Variants in TNR observed in about 807,000 individuals in gnomAD.
TNR encodes the protein tenascin-R.
TNR carries 45 observed loss-of-function variants against 150.4 expected under a neutral mutation model. That is an observed-to-expected ratio of 0.30 (90% CI 0.24 to 0.38). The LOEUF (loss-of-function observed/expected upper bound fraction) is 0.38, where lower values mean the gene tolerates loss of function less well. Among genes scored for constraint, TNR ranks in the 10% least tolerant of loss-of-function variants. TNR has a pLI of 1.00. For missense variants in TNR, 1,544 were observed against 1,759.1 expected (o/e 0.88, Z 2.19); for synonymous variants, 687 against 678.4 (o/e 1.01, Z -0.20).
At chr1:175,621,230 G>C (rs1358471899) in intron 1 of TNR, among the ~76,000 whole-genome samples, 1 of 152,172 alleles carries the variant, frequency 6.6e-6, no homozygotes, top group Non-Finnish European at 1.5e-5. Context: ...TCATCTCACT[G>C]TCTACATCTA....
At chr1:175,628,524 A>AT (rs1664224404) in intron 1 of TNR, among the ~76,000 whole-genome samples, 1 of 137,910 alleles carries the variant, frequency 7.3e-6, no homozygotes, top group Admixed American at 6.9e-5. Context: ...TAATAATAAA[A>AT]TTAAAAAAAA....
intron 1 of TNR, among the ~76,000 whole-genome samples, chr1:175,679,732 G>A (rs1000157497): frequency 7.2e-5 from 11 of 152,192 alleles, no homozygotes; most frequent in African/African-American, 2.2e-4. Flanking sequence ...AAGAGCCTGC[G>A]TGGCTCCCTG....
intron 1 of TNR, among the ~76,000 whole-genome samples, chr1:175,589,281 T>C (rs1198796803): frequency 1.3e-5 from 2 of 152,204 alleles, no homozygotes; most frequent in Non-Finnish European, 2.9e-5. Context: ...TTTTCTTCCT[T>C]TTCTACAAAC....
At chr1:175,632,141 G>A (rs915256605) in intron 1 of TNR, among the ~76,000 whole-genome samples, 8 of 152,292 alleles carry the variant, frequency 5.3e-5, no homozygotes, top group Non-Finnish European at 7.3e-5. Flanking sequence ...CCTTGCAGAG[G>A]GGCCATTTAA....
At chr1:175,616,621 AG>A (rs1214286529) in intron 1 of TNR, among the ~76,000 whole-genome samples, 1 of 152,114 alleles carries the variant, frequency 6.6e-6, no homozygotes, top group Non-Finnish European at 1.5e-5. Context: ...ACAGGCAAGG[AG>A]GGCTGTGCTC....
chr1:175,337,781 TCAA>T (rs1650320444), intron 18 of TNR, 102 bp from the exon 19 acceptor site: 1 of 1,336,788 alleles, frequency 7.5e-7, no homozygotes, highest in Admixed American at 2.1e-5. Flanking sequence ...TGGTACATCA[TCAA>T]CAGCTGTAAG....
At chr1:175,656,179 TG>T (rs1665169676) in intron 1 of TNR, among the ~76,000 whole-genome samples, 3 of 150,072 alleles carry the variant, frequency 2.0e-5, no homozygotes, top group African/African-American at 7.5e-5. Context: ...TGTGTGTGTG[TG>T]TGTGTGTGTG....
At chr1:175,426,628 C>G (rs972610313) in intron 2 of TNR, among the ~76,000 whole-genome samples, 8 of 151,798 alleles carry the variant, frequency 5.3e-5, no homozygotes, top group African/African-American at 1.9e-4. Flanking sequence ...CCTGTTTCAT[C>G]ATGGCCAATT....
intron 1 of TNR, among the ~76,000 whole-genome samples, chr1:175,582,919 C>T (rs865975378): frequency 4.6e-5 from 7 of 152,068 alleles, no homozygotes; most frequent in Non-Finnish European, 1.0e-4. Context: ...CTTAACCTCT[C>T]TCTGCCCTTC....
intron 1 of TNR, among the ~76,000 whole-genome samples, chr1:175,558,787 T>G (rs1661296423): frequency 6.6e-6 from 1 of 152,174 alleles, no homozygotes; most frequent in Admixed American, 6.5e-5. Flanking sequence ...TGGAGAGGGA[T>G]GAGTAAGCAG....
At chr1:175,383,106 C>A (rs148742244) in intron 8 of TNR, among the ~76,000 whole-genome samples, 189 of 152,114 alleles carry the variant, frequency 1.2e-3, no homozygotes, top group African/African-American at 4.3e-3. Context: ...CTATGGTGTT[C>A]TTCTTGTGGG....
intron 1 of TNR, among the ~76,000 whole-genome samples, chr1:175,545,208 T>G (rs6671877): frequency 0.68 from 102,958 of 151,968 alleles, 35,087 homozygotes; most frequent in Admixed American, 0.72. Context: ...CAAGTGAGTG[T>G]TCAATAGGGT....
rs117107118 is a variant in TNR, at chr1:175,398,719, T to C, written c.977-1912A>G. ...AATTGGGCCACACAGTCAGCAAACA[T>C]AGAAGCTAGGATTAGAATGCAGGCA... On this transcript the variant is annotated intron_variant, in intron 4 of 22. Transcript: ENST00000367674. Among the ~76,000 whole-genome samples the C allele has an allele frequency of 1.2e-3, 190 of 152,336 alleles. 4 individuals are homozygous for C. The East Asian group carries it at 0.034, about 27-fold the overall frequency.
intron 1 of TNR, among the ~76,000 whole-genome samples, chr1:175,645,607 A>C (rs1479061118): frequency 9.2e-5 from 14 of 152,246 alleles, no homozygotes; most frequent in Admixed American, 9.2e-4. Flanking sequence ...CTGATTCTTA[A>C]AATGGCCTTC....
Position 175,498,156 on chromosome 1 carries a change from T to C in TNR, c.-64+30113A>G, listed in dbSNP as rs543305823. 3.9e-5 allele frequency among the ~76,000 whole-genome samples: 6 copies of C among 152,296 alleles called. No individual in the cohort carries two copies. The South Asian group carries it at 1.2e-3, about 32-fold the overall frequency. On this transcript the variant is annotated intron_variant, in intron 2 of 22. Transcript: ENST00000367674. ...AAACACAAATCCTGCTTGGGTCTTG[T>C]AAAATTCCTGGTAGCAGAAATGACT... is the stretch of plus-strand genomic sequence containing the variant.
intron 1 of TNR, among the ~76,000 whole-genome samples, chr1:175,739,879 C>A (rs1667877197): frequency 6.6e-6 from 1 of 152,180 alleles, no homozygotes; most frequent in South Asian, 2.1e-4. Flanking sequence ...GGAGACATGA[C>A]CAACCACCAA....
intron 2 of TNR, among the ~76,000 whole-genome samples, chr1:175,509,508 AC>A (rs1174548637): frequency 6.6e-6 from 1 of 152,074 alleles, no homozygotes; most frequent in Non-Finnish European, 1.5e-5. Context: ...TTGCCTGGGC[AC>A]CTAAAGAACT....
intron 2 of TNR, among the ~76,000 whole-genome samples, chr1:175,485,046 A>T (rs1346471456): frequency 6.6e-6 from 1 of 152,244 alleles, no homozygotes; most frequent in Non-Finnish European, 1.5e-5. Flanking sequence ...TTATTAAACC[A>T]TTAAGAGATT....
At chr1:175,449,928 GC>G (rs1164329249) in intron 2 of TNR, among the ~76,000 whole-genome samples, 1 of 152,134 alleles carries the variant, frequency 6.6e-6, no homozygotes, top group Non-Finnish European at 1.5e-5. Context: ...CAGCCTCTCA[GC>G]CACCTTCAGC....
Sources: allele counts gnomAD v4.1 joint callset (sites outside exome capture counted in the v4.1 genomes callset), GRCh38; gene constraint gnomAD v4.1.1; transcripts MANE v1.5; gene names NCBI Gene and HGNC (gene_info 2026-07-23, HGNC 2026-07-21).